RPH3A: variants seen among roughly 807,000 people sequenced by gnomAD.
RPH3A encodes the protein rabphilin-3A.
In RPH3A, 48 loss-of-function variants were observed where a neutral mutation model predicts 102.2. That is an observed-to-expected ratio of 0.47 (90% CI 0.37 to 0.60). The LOEUF is 0.60. RPH3A is among the 20% of genes least tolerant of loss of function. The probability of loss-of-function intolerance (pLI) is 0.00; values close to 1 mark genes in which losing one functional copy is unlikely to be tolerated. For synonymous variants in RPH3A, 310 were observed against 324.3 expected, an observed-to-expected ratio of 0.96 and a Z score of 0.47; for missense variants, 781 against 910.1, an observed-to-expected ratio of 0.86 and a Z score of 1.83.
Position 112,728,207 on chromosome 12 carries a change from A to G in RPH3A, c.-139-63936A>G, listed in dbSNP as rs570319591. Among the ~76,000 whole-genome samples, 8 of 152,306 alleles carry G rather than the reference A, an allele frequency of 5.3e-5. No homozygotes were observed. The South Asian group carries it at 1.7e-3, about 32-fold the overall frequency. ...ACAAAAGGTGGGAAAGTGGCAAATC[A>G]TGGAAGCATGGCAATTTATCACCAG... On this transcript the variant is annotated intron_variant, in intron 1 of 21. Transcript: ENST00000543106.
intron 1 of RPH3A, among the ~76,000 whole-genome samples, chr12:112,677,339 C>T (rs1385458695): frequency 1.7e-5 from 2 of 114,418 alleles, no homozygotes; most frequent in Non-Finnish European, 3.9e-5. Context: ...TTTTCCCTCC[C>T]TCCTTCCCTT....
intron 1 of RPH3A, among the ~76,000 whole-genome samples, chr12:112,670,873 G>A (rs752204680): frequency 1.2e-4 from 18 of 152,176 alleles, no homozygotes; most frequent in Non-Finnish European, 2.4e-4. Flanking sequence ...CACGAGGCCA[G>A]CCCAGATTTA....
At chr12:112,724,163 C>A (rs1055769803) in intron 1 of RPH3A, among the ~76,000 whole-genome samples, 1 of 149,678 alleles carries the variant, frequency 6.7e-6, no homozygotes, top group Non-Finnish European at 1.5e-5. Flanking sequence ...CTCAAGTGAT[C>A]CTCCTGCCTC....
intron 1 of RPH3A, among the ~76,000 whole-genome samples, chr12:112,628,455 G>C (rs2039781076): frequency 6.6e-6 from 1 of 151,286 alleles, no homozygotes; most frequent in African/African-American, 2.4e-5. Context: ...ATTAAGAAGG[G>C]GACCCATGGC....
intron 1 of RPH3A, among the ~76,000 whole-genome samples, chr12:112,679,047 C>T (rs1466814987): frequency 6.6e-6 from 1 of 152,204 alleles, no homozygotes; most frequent in Non-Finnish European, 1.5e-5. Flanking sequence ...ACCTGCCCCC[C>T]ACTGCAGGCT....
intron 1 of RPH3A, among the ~76,000 whole-genome samples, chr12:112,629,844 C>T (rs1479605108): frequency 6.6e-6 from 1 of 152,100 alleles, no homozygotes; most frequent in Non-Finnish European, 1.5e-5. Context: ...ACAGTGCTAA[C>T]ATCTTTACAT....
At chr12:112,602,479 G>C (rs2039566312) in intron 1 of RPH3A, among the ~76,000 whole-genome samples, 1 of 152,148 alleles carries the variant, frequency 6.6e-6, no homozygotes, top group African/African-American at 2.4e-5. Context: ...ACTGTTTTTG[G>C]GGGAGGAAGC....
At chr12:112,662,973 T>G (rs2040059068) in intron 1 of RPH3A, among the ~76,000 whole-genome samples, 1 of 151,686 alleles carries the variant, frequency 6.6e-6, no homozygotes, top group Non-Finnish European at 1.5e-5. Flanking sequence ...CCACTGGGTT[T>G]CTAAGCTAGA....
intron 4 of RPH3A, chr12:112,841,940 G>A (rs967584473): frequency 4.4e-6 from 2 of 455,782 alleles, no homozygotes; most frequent in African/African-American, 4.0e-5. Flanking sequence ...CTCCTGAATA[G>A]CTAAATCAAC....
intron 1 of RPH3A, among the ~76,000 whole-genome samples, chr12:112,681,827 G>A (rs145706658): frequency 2.4e-3 from 360 of 152,330 alleles, no homozygotes; most frequent in Non-Finnish European, 4.1e-3. Flanking sequence ...ACACAAATCT[G>A]TTGGTGCTTC....
In RPH3A at chr12:112,869,947, G is replaced by A; in HGVS notation, c.704G>A (p.Arg235Lys). Reference protein sequence around the residue: ...GRGNYGPPVRRASEARMSSSS... With the variant: ...GRGNYGPPVRKASEARMSSSS... ...GGAAACTATGGGCCTCCCGTGCGCA[G>A]GGCCTCCGAGGCACGAATGAGCTCA... Residue 235 changes from arginine to lysine, a missense_variant, in exon 10 of 22, where the codon AGG becomes AAG. Physicochemically the swap from Arg to Lys is conservative, Grantham distance 26. Transcript: ENST00000389385. The A allele has an allele frequency of 3.1e-6, 5 of 1,614,156 alleles. No individual in the cohort carries two copies. The highest frequency in any genetic ancestry group is 1.1e-5 in the South Asian group (1 of 91,078).
chr12:112,722,441 T>A (rs1212532249), intron 1 of RPH3A, among the ~76,000 whole-genome samples: 2 of 152,238 alleles, frequency 1.3e-5, no homozygotes, highest in Non-Finnish European at 2.9e-5. Flanking sequence ...TTCTAAGGAA[T>A]GTTGTAGAAT....
In RPH3A at chr12:112,853,213, T is replaced by C. The variant is rs114165200; in HGVS notation, c.230+5371T>C. The stretch of plus-strand genomic sequence containing the variant: ...TCTAATTAGGCAGACATCTGTCCTA[T>C]GGCTTGACAAGCCAACCATAAGCCA... On this transcript the variant is annotated intron_variant, in intron 5 of 21. Coordinates refer to ENST00000389385, the MANE Select transcript of RPH3A (RefSeq NM_001143854.2). Among the ~76,000 whole-genome samples, 1,171 of 152,324 alleles carry C rather than the reference T, an allele frequency of 7.7e-3. 19 individuals carry two copies. Among genetic ancestry groups the C allele is most frequent in the African/African-American group, 0.027 (1,112 of 41,574 alleles).
At chr12:112,820,369 A>G (rs1262992351) in intron 2 of RPH3A, among the ~76,000 whole-genome samples, 2 of 152,208 alleles carry the variant, frequency 1.3e-5, no homozygotes, top group East Asian at 3.8e-4. Context: ...TTCAAACCCC[A>G]TTCTTCACAA....
rs2040482809 is a variant in RPH3A, at chr12:112,713,004, C to T, written c.-139-79139C>T. Among the ~76,000 whole-genome samples the T allele has an allele frequency of 2.2e-4, 16 of 72,256 alleles. 1 individual carries two copies. The highest frequency in any genetic ancestry group is 4.3e-4 in the African/African-American group (7 of 16,222). The allele number at this position is 72,256 out of a possible 152,430, so 47.4% of individuals were successfully genotyped here. On this transcript the variant is annotated intron_variant, in intron 1 of 21. Transcript: ENST00000543106. ...TCTTCGTCGTCTTTGTCTTCCTCTT[C>T]CTCTTCCTCTTCCTCTTCCTCTTCT...
At chr12:112,690,284 A>T (rs763202007) in intron 1 of RPH3A, among the ~76,000 whole-genome samples, 3 of 152,224 alleles carry the variant, frequency 2.0e-5, no homozygotes, top group Non-Finnish European at 4.4e-5. Flanking sequence ...GGCCATTGTG[A>T]GCTTTGGGAA....
chr12:112,859,940 A>G (rs1263776300), intron 5 of RPH3A, among the ~76,000 whole-genome samples: 1 of 152,224 alleles, frequency 6.6e-6, no homozygotes, highest in East Asian at 1.9e-4. Flanking sequence ...ATAGCTGAGA[A>G]GGTTTAGAGT....
At chr12:112,754,629 A>G (rs1166640417) in intron 1 of RPH3A, among the ~76,000 whole-genome samples, 1 of 152,212 alleles carries the variant, frequency 6.6e-6, no homozygotes, top group Non-Finnish European at 1.5e-5. Context: ...GAAAAGGGAG[A>G]TATGTCAAGT....
At chr12:112,798,185 T>C (rs2041271314) in intron 2 of RPH3A, among the ~76,000 whole-genome samples, 1 of 152,240 alleles carries the variant, frequency 6.6e-6, no homozygotes, top group Non-Finnish European at 1.5e-5. Flanking sequence ...GACTCTGGTT[T>C]AGTAATCCAT....
Sources: allele counts gnomAD v4.1 joint callset (sites outside exome capture counted in the v4.1 genomes callset), GRCh38; gene constraint gnomAD v4.1.1; transcripts MANE v1.5; gene names NCBI Gene and HGNC (gene_info 2026-07-23, HGNC 2026-07-21).